POLQ: variants seen among roughly 807,000 people sequenced by gnomAD.
POLQ encodes epididymis secretory sperm binding protein.
POLQ carries 233 observed loss-of-function variants against 259.2 expected under a neutral mutation model. The ratio of observed to expected loss-of-function variants is 0.90; its 90% confidence interval spans 0.81 to 1.00. The LOEUF (loss-of-function observed/expected upper bound fraction) is 1.00. Ranked by LOEUF, POLQ falls within the 50% of genes least tolerant of loss-of-function variation. The pLI is 0.00. For missense variants in POLQ, 2,871 were observed against 3,051.6 expected (o/e 0.94, Z 1.39); for synonymous variants, 1,025 against 1,048.8 (o/e 0.98, Z 0.44).
chr3:121,443,088 C>T (rs1013468987), intron 26 of POLQ, among the ~76,000 whole-genome samples: 1 of 152,160 alleles, frequency 6.6e-6, no homozygotes, highest in Non-Finnish European at 1.5e-5. Context: ...AAACTCCTGA[C>T]CTTGTGATCC....
chr3:121,522,946 C>T lies in POLQ; in HGVS notation c.1109-797G>A, dbSNP rs575637525. ...AAGCCTACTCCTCTGTGAAATTATT[C>T]TTGCCTCTTTGGCATTAATCTGGTA... On this transcript the variant is annotated intron_variant, in intron 7 of 29. Transcript: ENST00000264233. Among the ~76,000 whole-genome samples the T allele has an allele frequency of 2.1e-3, 327 of 152,328 alleles. 3 individuals carry two copies. The highest frequency in any genetic ancestry group is 7.4e-3 in the African/African-American group (308 of 41,576).
At chr3:121,537,415 T>C (rs12629924) in intron 4 of POLQ, among the ~76,000 whole-genome samples, 2 of 152,200 alleles carry the variant, frequency 1.3e-5, no homozygotes, top group Non-Finnish European at 2.9e-5. Context: ...TACTTAGCAA[T>C]AGTACCCTAT....
At position 121,485,157 on chromosome 3, in the gene POLQ, C is replaced by T. The variant is rs886665541; in HGVS notation, c.5657G>A (p.Arg1886Lys). ...ACCTTTAATGGGAAATCCATCATCT[C>T]TAATAGGAATTTCCTGAGGTGAGCT... ...QASSPQEIPIRDDGFPIKGCD... is the reference protein window; with the variant it reads ...QASSPQEIPIKDDGFPIKGCD... Residue 1886 changes from arginine to lysine, a missense_variant, in exon 17 of 30, where the codon AGA (arginine) becomes AAA (lysine). Coordinates refer to ENST00000264233, the MANE Select transcript of POLQ (RefSeq NM_199420.4). The T allele has an allele frequency of 5.6e-6, 9 of 1,606,478 alleles. No individual in the cohort carries two copies. In the African/African-American group the frequency reaches 1.1e-4, roughly 19 times the overall value.
chr3:121,499,464 A>C (rs1366663215), intron 12 of POLQ, among the ~76,000 whole-genome samples: 1 of 152,126 alleles, frequency 6.6e-6, no homozygotes, highest in Non-Finnish European at 1.5e-5. Context: ...TCTGTTGCCC[A>C]GGTTGGTCTC....
intron 26 of POLQ, among the ~76,000 whole-genome samples, chr3:121,445,517 CT>C (rs1414954560): frequency 6.6e-6 from 1 of 152,016 alleles, no homozygotes; most frequent in African/African-American, 2.4e-5. Context: ...GGATCTTCTC[CT>C]TTTTTCTTAG....
In POLQ at chr3:121,440,198, C is replaced by T. The variant is rs2047579378; in HGVS notation, c.7265-82G>A. On this transcript the variant is annotated intron_variant, in intron 26 of 29. Coordinates refer to ENST00000264233, the MANE Select transcript of POLQ (RefSeq NM_199420.4). ...TCACTGGCTTAAATATGGCAAAATA[C>T]ACCAAAACCCCACGATGATTCTTAA... 6 of 971,094 alleles carry T rather than the reference C, an allele frequency of 6.2e-6. No individual in the cohort carries two copies. The Admixed American group carries it at 6.2e-5, about 10-fold the overall frequency. The allele number at this position is 971,094 out of a possible 1,614,324, so 60.2% of individuals were successfully genotyped here.
chr3:121,544,277 T>C (rs1372290587), intron 2 of POLQ, among the ~76,000 whole-genome samples: 2 of 151,858 alleles, frequency 1.3e-5, no homozygotes, highest in Admixed American at 6.6e-5. Context: ...CACTTGAACC[T>C]GGGAGGTGGA....
intron 20 of POLQ, 95 bp from the exon 21 acceptor site, chr3:121,473,582 A>C: frequency 1.9e-6 from 2 of 1,028,228 alleles, no homozygotes; most frequent in South Asian, 3.1e-5. Flanking sequence ...CAATCTCTAC[A>C]GTTCAACATG....
At chr3:121,451,453 C>T (rs558132050) in intron 25 of POLQ, among the ~76,000 whole-genome samples, 5 of 152,358 alleles carry the variant, frequency 3.3e-5, no homozygotes, top group Admixed American at 6.5e-5. Context: ...TGGTGACGTA[C>T]AGATGGGGTT....
chr3:121,524,248 A>G (rs1268460432), intron 7 of POLQ, among the ~76,000 whole-genome samples: 2 of 152,230 alleles, frequency 1.3e-5, no homozygotes. Flanking sequence ...GGAAACTGGA[A>G]GAGATGATAC....
chr3:121,493,359 C>T (rs915388466), intron 15 of POLQ, 119 bp downstream of exon 15: 78 of 741,086 alleles, frequency 1.1e-4, no homozygotes, highest in Non-Finnish European at 1.5e-4. Flanking sequence ...CTTCCACTTA[C>T]ACCAAGTATA....
rs1189794728 is a variant in POLQ, at chr3:121,466,376, A to G, written c.6967+1143T>C. Among the ~76,000 whole-genome samples the G allele has an allele frequency of 3.7e-3, 538 of 147,336 alleles. 4 individuals carry two copies. The highest frequency in any genetic ancestry group is 0.013 in the African/African-American group (513 of 40,290). The stretch of plus-strand genomic sequence containing the variant: ...GAGACTCCGTCTCAAAAAAAAAAAA[A>G]AAAAAAGAAAGAAAGAAATTACCAT... On this transcript the variant is annotated intron_variant, in intron 24 of 29. Coordinates refer to ENST00000264233, the MANE Select transcript of POLQ (RefSeq NM_199420.4).
At chr3:121,495,685 A>C (rs2048113251) in intron 14 of POLQ, among the ~76,000 whole-genome samples, 1 of 2,560 alleles carries the variant, frequency 3.9e-4, no homozygotes, top group Non-Finnish European at 8.4e-4. Context: ...TCCACTAAAA[A>C]TACAAAAAAA....
chr3:121,485,586 CTA>C (rs758653684), intron 16 of POLQ, among the ~76,000 whole-genome samples: 19 of 152,274 alleles, frequency 1.2e-4, no homozygotes, highest in Non-Finnish European at 2.5e-4. Flanking sequence ...AATTTTGTAT[CTA>C]GAGTCAATGT....
At position 121,450,378 on chromosome 3, in the gene POLQ, T is replaced by G. The variant is rs191657010; in HGVS notation, c.7153-952A>C. ...TCGCTTTTTTATTATTTATTTATTT[T>G]TTTTATTATACTTTAAGTTCTAGGG... On this transcript the variant is annotated intron_variant, in intron 25 of 29. Transcript: ENST00000264233. 8.0e-3 allele frequency among the ~76,000 whole-genome samples: 1,224 copies of G among 152,230 alleles called. 14 individuals are homozygous for G. The highest frequency in any genetic ancestry group is 0.028 in the African/African-American group (1,162 of 41,538).
rs374235727 is a variant in POLQ at position 121,449,422 on chromosome 3, C to T, written c.7157G>A (p.Cys2386Tyr). 4.2e-5 allele frequency: 65 copies of T among 1,540,956 alleles called. No individual in the cohort carries two copies. Among genetic ancestry groups the T allele is most frequent in the Non-Finnish European group, 5.4e-5 (60 of 1,113,876 alleles). ...TCCCATTCCATAAATGATCCCATAG[C>T]AAATCTGAAAGGGAGTCATCCAACA... ...DDLRQQAKQI[C>Y]YGIIYGMGAK... The change falls in exon 26 of 30, where the codon TGC becomes TAC. Residue 2386 changes from cysteine (C) to tyrosine (Y), a missense_variant. By Grantham distance (194) the Cys-to-Tyr change is radical. Coordinates refer to ENST00000264233, the MANE Select transcript of POLQ (RefSeq NM_199420.4).
At chr3:121,477,847 G>A (rs975033791) in intron 19 of POLQ, among the ~76,000 whole-genome samples, 5 of 152,066 alleles carry the variant, frequency 3.3e-5, no homozygotes, top group Admixed American at 2.0e-4. Context: ...AGGGACACCC[G>A]TAACCACCAC....
At chr3:121,524,779 C>G (rs2048360688) in intron 7 of POLQ, among the ~76,000 whole-genome samples, 1 of 151,972 alleles carries the variant, frequency 6.6e-6, no homozygotes, top group Admixed American at 6.6e-5. Flanking sequence ...TGAAAATGTT[C>G]TAGGTGTTGA....
intron 12 of POLQ, among the ~76,000 whole-genome samples, chr3:121,500,384 G>C (rs545887571): frequency 2.3e-4 from 35 of 151,952 alleles, no homozygotes; most frequent in African/African-American, 8.2e-4. Flanking sequence ...CCTTGGCCTT[G>C]GCCTTCCAAA....
Sources: gnomAD v4.1 joint callset for allele counts (sites outside exome capture counted in the v4.1 genomes callset) on GRCh38, gnomAD v4.1.1 for gene constraint, MANE v1.5 for transcripts, NCBI Gene and HGNC (gene_info 2026-07-23, HGNC 2026-07-21) for gene names.